ARHGAP28: variants seen among roughly 807,000 people sequenced by gnomAD.
ARHGAP28 encodes Rho GTPase activating protein 28, also known as rho GTPase-activating protein 28.
A neutral mutation model predicts 90.7 loss-of-function variants in ARHGAP28; 56 were observed. The ratio of observed to expected loss-of-function variants is 0.62; its 90% confidence interval spans 0.50 to 0.77. The LOEUF (loss-of-function observed/expected upper bound fraction) is 0.77. Among genes scored for constraint, ARHGAP28 ranks in the 30% least tolerant of loss-of-function variants. The pLI is 0.00. For missense variants in ARHGAP28, 869 were observed against 900.9 expected (o/e 0.96, Z 0.45); for synonymous variants, 308 against 323.3 (o/e 0.95, Z 0.51).
At chr18:6,786,554 C>T (rs2056366245) in intron 1 of ARHGAP28, among the ~76,000 whole-genome samples, 1 of 152,114 alleles carries the variant, frequency 6.6e-6, no homozygotes, top group Non-Finnish European at 1.5e-5. Context: ...CACACGCCCC[C>T]CAGCATGCCT....
intron 1 of ARHGAP28, among the ~76,000 whole-genome samples, chr18:6,736,633 G>C (rs1249273199): frequency 2.6e-5 from 4 of 151,266 alleles, no homozygotes; most frequent in African/African-American, 9.7e-5. Context: ...TGTAATCCCA[G>C]CTACTTGGGA....
chr18:6,761,315 C>G (rs2056158165), intron 1 of ARHGAP28, among the ~76,000 whole-genome samples: 2 of 152,212 alleles, frequency 1.3e-5, no homozygotes, highest in African/African-American at 4.8e-5. Flanking sequence ...CTGTTTTCTT[C>G]ATGTATATTA....
intron 1 of ARHGAP28, among the ~76,000 whole-genome samples, chr18:6,819,245 A>G (rs2056611129): frequency 6.6e-6 from 1 of 152,208 alleles, no homozygotes; most frequent in Non-Finnish European, 1.5e-5. Flanking sequence ...TATGTTTACA[A>G]TGTTTTGTGG....
intron 5 of ARHGAP28, 24 bp from the exon 6 acceptor site, chr18:6,868,126 T>G (rs759357765): frequency 1.9e-6 from 3 of 1,589,532 alleles, no homozygotes; most frequent in South Asian, 2.2e-5. Context: ...AAATGTTTTG[T>G]GTTCATCTTC....
intron 17 of ARHGAP28, among the ~76,000 whole-genome samples, chr18:6,910,404 G>A (rs947250811): frequency 1.3e-5 from 2 of 152,106 alleles, no homozygotes; most frequent in African/African-American, 2.4e-5. Flanking sequence ...ACCTGTATGT[G>A]GATGCCACTG....
chr18:6,841,184 T>TCTCTCTCTC (rs1555631490), intron 3 of ARHGAP28, among the ~76,000 whole-genome samples: 25 of 54,368 alleles, frequency 4.6e-4, no homozygotes, highest in East Asian at 5.2e-4. Flanking sequence ...CTCTCTCCTC[T>TCTCTCTCTC]CTCTCTCTCT....
chr18:6,734,348 A>G (rs1567929369), intron 1 of ARHGAP28, among the ~76,000 whole-genome samples: 1 of 152,174 alleles, frequency 6.6e-6, no homozygotes, highest in African/African-American at 2.4e-5. Flanking sequence ...GTGAAGGTAT[A>G]GTAGAAAATG....
intron 16 of ARHGAP28, chr18:6,898,662 ACT>A: frequency 6.7e-7 from 1 of 1,484,214 alleles, no homozygotes; most frequent in Non-Finnish European, 8.9e-7. Flanking sequence ...CTGACTTTGT[ACT>A]CTCAAGTAGA....
chr18:6,733,437 T>C (rs1224570448), intron 1 of ARHGAP28, among the ~76,000 whole-genome samples: 1 of 152,114 alleles, frequency 6.6e-6, no homozygotes, highest in Non-Finnish European at 1.5e-5. Flanking sequence ...AGTTATTTCT[T>C]TTTTTATATA....
Position 6,729,737 on chromosome 18 carries a change from A to T in ARHGAP28, c.-85A>T. ...GGTCGCACCTCGGGCCGCGCCGCCC[A>T]GCTGCTGACAGCCTCCCGGCGCGCC... is the stretch of plus-strand genomic sequence containing the variant. On this transcript the variant is annotated 5_prime_UTR_variant, in exon 1 of 18. Coordinates refer to ENST00000383472, the MANE Select transcript of ARHGAP28 (RefSeq NM_001366230.1). The T allele has an allele frequency of 1.6e-6, 2 of 1,269,360 alleles. No homozygotes were observed. Among genetic ancestry groups the T allele is most frequent in the Non-Finnish European group, 2.0e-6 (2 of 1,004,646 alleles). 78.6% of individuals were successfully genotyped at this position (1,269,360 alleles called of 1,614,324 possible). A position where few individuals can be genotyped will look rare whatever the true frequency, so the allele number is the denominator to read the frequency against.
intron 1 of ARHGAP28, among the ~76,000 whole-genome samples, chr18:6,798,445 C>T (rs1057496011): frequency 4.6e-5 from 7 of 152,308 alleles, no homozygotes; most frequent in East Asian, 1.9e-4. Flanking sequence ...CTGCCCGCCT[C>T]GGCCTCCCAA....
intron 2 of ARHGAP28, among the ~76,000 whole-genome samples, chr18:6,828,682 C>CT (rs2056693678): frequency 6.6e-6 from 1 of 152,138 alleles, no homozygotes; most frequent in African/African-American, 2.4e-5. Flanking sequence ...AATAGGGAGT[C>CT]TTTTACCCAT....
At chr18:6,839,172 G>C (rs2056777559) in intron 3 of ARHGAP28, among the ~76,000 whole-genome samples, 1 of 152,094 alleles carries the variant, frequency 6.6e-6, no homozygotes, top group Non-Finnish European at 1.5e-5. Context: ...AACGTGTCTT[G>C]TGGGTTTTGA....
intron 4 of ARHGAP28, among the ~76,000 whole-genome samples, chr18:6,857,145 C>T (rs2056960150): frequency 1.3e-5 from 2 of 152,082 alleles, no homozygotes; most frequent in South Asian, 4.1e-4. Context: ...GCAAACACAG[C>T]CACATCTCCC....
intron 4 of ARHGAP28, among the ~76,000 whole-genome samples, chr18:6,856,847 TAA>T (rs1457170013): frequency 6.6e-6 from 1 of 152,228 alleles, no homozygotes; most frequent in African/African-American, 2.4e-5. Flanking sequence ...CCATTTCATA[TAA>T]GTCTAATTAT....
Position 6,873,687 on chromosome 18 carries a change from A to G in ARHGAP28, c.1124A>G (p.Asn375Ser), listed in dbSNP as rs1353746181. The G allele has an allele frequency of 6.2e-7, 1 of 1,613,834 alleles. No individual in the cohort carries two copies. Among genetic ancestry groups the G allele is most frequent in the Admixed American group, 1.7e-5 (1 of 59,976 alleles). ...NKTEKVKGRD[N>S]GIFGVPLTVL... ...CCTTTACTGTCTCACAATGAAGACA[A>G]TGGGATTTTTGGAGTTCCACTTACA... The change falls in exon 9 of 18, where the codon AAT (asparagine) becomes AGT (serine). Residue 375 changes from asparagine to serine, a missense_variant. Physicochemically the swap from Asn to Ser is conservative, Grantham distance 46 (BLOSUM62 1). Transcript: ENST00000383472.
chr18:6,841,180 CCTCTCT>C lies in ARHGAP28; in HGVS notation c.543+3784_543+3789del, dbSNP rs143797436. On this transcript the variant is annotated intron_variant, in intron 3 of 17. Coordinates refer to ENST00000383472, the MANE Select transcript of ARHGAP28 (RefSeq NM_001366230.1). The stretch of plus-strand genomic sequence containing the variant: ...CTTTCTCTCTCTCCTCTCTCTCTCT[CCTCTCT>C]CTCTCTCTCTCTCTCTCCTCTCCTC... Among the ~76,000 whole-genome samples, 394 of 57,026 alleles carry C rather than the reference CCTCTCT, an allele frequency of 6.9e-3. 4 individuals are homozygous for C. The highest frequency in any genetic ancestry group is 7.3e-3 in the Non-Finnish European group (230 of 31,644). The allele number at this position is 57,026 out of a possible 152,430, so 37.4% of individuals were successfully genotyped here. A position where few individuals can be genotyped will look rare whatever the true frequency, so the allele number is the denominator to read the frequency against.
At chr18:6,887,961 A>T (rs917144877) in intron 12 of ARHGAP28, among the ~76,000 whole-genome samples, 8 of 152,238 alleles carry the variant, frequency 5.3e-5, no homozygotes, top group African/African-American at 1.9e-4. Flanking sequence ...GAAAACTCTG[A>T]TGAGCGTCCT....
chr18:6,761,644 A>C (rs1287273016), intron 1 of ARHGAP28, among the ~76,000 whole-genome samples: 1 of 152,202 alleles, frequency 6.6e-6, no homozygotes, highest in African/African-American at 2.4e-5. Context: ...GCCAGTGGTC[A>C]GTGAGGGAAT....
Sources: gnomAD v4.1 joint callset for allele counts (sites outside exome capture counted in the v4.1 genomes callset) on GRCh38, gnomAD v4.1.1 for gene constraint, MANE v1.5 for transcripts, NCBI Gene and HGNC (gene_info 2026-07-23, HGNC 2026-07-21) for gene names.